Variants in CES1 observed in about 807,000 individuals in gnomAD.
The protein encoded by CES1 is liver carboxylesterase 1.
Under a neutral mutation model 53.0 loss-of-function variants are expected in CES1, and 50 were observed. That is an observed-to-expected ratio of 0.94 (90% CI 0.75 to 1.19). The LOEUF is 1.19. Ranked by LOEUF, CES1 falls within the 50% of genes most tolerant of loss-of-function variation. The pLI, the probability that CES1 is intolerant of heterozygous loss-of-function variation, is 0.00. For missense variants in CES1, 534 were observed against 538.0 expected (o/e 0.99, Z 0.07); for synonymous variants, 202 against 210.1 (o/e 0.96, Z 0.33).
At position 55,826,131 on chromosome 16, in the gene CES1, CA is replaced by C. The variant is rs768605748; in HGVS notation, c.405+19del. On this transcript the variant is annotated intron_variant, in intron 3 of 13. Transcript: ENST00000360526. ...GGTACTGGCACTGACACGCCTTGAC[CA>C]GGGGGTCCCACAACTTACCGGCAGC... is the stretch of plus-strand genomic sequence containing the variant. The C allele has an allele frequency of 7.4e-6, 12 of 1,613,936 alleles. No homozygotes were observed. Among genetic ancestry groups the C allele is most frequent in the South Asian group, 4.4e-5 (4 of 91,072 alleles).
rs200227274 is a variant in CES1, at chr16:55,821,502, G to T, written c.559C>A (p.Arg187=). The T allele has an allele frequency of 4.3e-5, 70 of 1,614,168 alleles. No homozygotes were observed. The South Asian group carries it at 6.6e-4, about 15-fold the overall frequency. Residue 187 remains arginine (R), a synonymous_variant, in exon 5 of 14, where the codon CGG becomes AGG. Transcript: ENST00000360526. ...TGGTCCAGGTGACCCCAGTTCCCCCGGCTGTGTTCATCCCCTGTGCTGTGA... is the reference window on the plus strand; with the variant it reads ...TGGTCCAGGTGACCCCAGTTCCCCCTGCTGTGTTCATCCCCTGTGCTGTGA... ...GFFSTGDEHS[R]GNWGHLDQVA... is the part of the protein sequence containing the mutation.
chr16:55,831,128 T>C (rs1363021568), intron 1 of CES1, among the ~76,000 whole-genome samples: 2 of 151,998 alleles, frequency 1.3e-5, no homozygotes, highest in Admixed American at 6.5e-5. Flanking sequence ...TATGGCTTCA[T>C]TGAAGATGCC....
At chr16:55,816,184 A>T (rs1188469061) in intron 8 of CES1, among the ~76,000 whole-genome samples, 3 of 152,272 alleles carry the variant, frequency 2.0e-5, no homozygotes, top group African/African-American at 7.2e-5. Flanking sequence ...CGGAATACAT[A>T]CTTGATTTGC....
At chr16:55,821,183 C>T (rs1265987144) in intron 5 of CES1, among the ~76,000 whole-genome samples, 185 bp downstream of exon 5, 38 of 152,196 alleles carry the variant, frequency 2.5e-4, no homozygotes, top group Admixed American at 1.6e-3. Flanking sequence ...GAGCTCTGAG[C>T]TTCCTGGGGG....
At chr16:55,815,500 T>C (rs369314460) in intron 8 of CES1, among the ~76,000 whole-genome samples, 3 of 152,304 alleles carry the variant, frequency 2.0e-5, no homozygotes, top group African/African-American at 7.2e-5. Flanking sequence ...TGACAAGTGA[T>C]TGTTCTCCAC....
chr16:55,826,269 T>C lies in CES1; in HGVS notation c.287A>G (p.Gln96Arg). ...PMCTQDPKAG[Q>R]LLSELFTNRK... ...GTTTGTAAATAGCTCTGAGAGTAAC[T>C]GCCCCGCCTTGGGATCTTGGGTGCA... The change falls in exon 3 of 14, where the codon CAG becomes CGG. Residue 96 changes from glutamine (Q) to arginine (R), a missense_variant. Transcript: ENST00000360526. 6.2e-7 allele frequency: 1 copy of C among 1,613,990 alleles called. No homozygotes were observed. Among genetic ancestry groups the C allele is most frequent in the African/African-American group, 1.3e-5 (1 of 75,034 alleles).
chr16:55,811,022 A>G lies in CES1; in HGVS notation c.1087-12T>C, dbSNP rs1426156711. ...TAGCTCATCAACTGCTAAAAAAAAA[A>G]AAAAGTTCAGCATTTATGAATCATT... On this transcript the variant is annotated splice_polypyrimidine_tract_variant and intron_variant, in intron 9 of 13. Transcript: ENST00000360526. 3.1e-6 allele frequency: 5 copies of G among 1,604,150 alleles called. No individual in the cohort carries two copies. The highest frequency in any genetic ancestry group is 1.3e-5 in the African/African-American group (1 of 74,684).
intron 10 of CES1, 59 bp downstream of exon 10, chr16:55,810,868 G>T: frequency 6.7e-7 from 1 of 1,500,422 alleles, no homozygotes; most frequent in Non-Finnish European, 9.3e-7. Flanking sequence ...TCTATGATTT[G>T]GGCAAGTCCT....
Position 55,813,042 on chromosome 16 carries a change from C to T in CES1, c.947G>A (p.Ser316Asn). ...AATCACAGTGCCCAGAAGGGGTTGA[C>T]TCTGGGGAGAGAGCAGTGCAGCACC... Reference protein sequence around the residue: ...SLDLQGDPRESQPLLGTVIDG... With the variant: ...SLDLQGDPRENQPLLGTVIDG... Residue 316 changes from serine (S) to asparagine (N), a missense_variant and splice_region_variant, in exon 9 of 14, where the codon AGT becomes AAT. Around this residue, in one of 5 missense-constraint regions of CES1, gnomAD observed 269 missense variants for 206.6 expected, o/e 1.30. Transcript: ENST00000360526. The T allele has an allele frequency of 6.2e-7, 1 of 1,613,912 alleles. No homozygotes were observed. The highest frequency in any genetic ancestry group is 1.1e-5 in the South Asian group (1 of 91,074).
chr16:55,815,240 A>G (rs529160449), intron 8 of CES1, among the ~76,000 whole-genome samples: 1 of 152,320 alleles, frequency 6.6e-6, no homozygotes, highest in East Asian at 1.9e-4. Flanking sequence ...TCTGGCACAC[A>G]GTGTGCACGC....
At position 55,817,167 on chromosome 16, in the gene CES1, A is replaced by T. The variant is rs1222807341; in HGVS notation, c.907-205T>A. ...CACTCATGTCAATCCAATAGAGTTT[A>T]CCCCAAAACTTTTGCAGGAATTGTT... is the stretch of plus-strand genomic sequence containing the variant. On this transcript the variant is annotated intron_variant, in intron 7 of 13. Transcript: ENST00000360526. 2.6e-5 allele frequency among the ~76,000 whole-genome samples: 4 copies of T among 152,172 alleles called. No individual in the cohort carries two copies. In the East Asian group the frequency reaches 7.7e-4, roughly 29 times the overall value.
intron 1 of CES1, among the ~76,000 whole-genome samples, chr16:55,831,072 G>A (rs1190797654): frequency 1.3e-5 from 2 of 152,150 alleles, no homozygotes; most frequent in African/African-American, 4.8e-5. Context: ...TGAGGGAGCA[G>A]GGCAGAATCT....
chr16:55,820,593 C>G, intron 5 of CES1, 114 bp from the exon 6 acceptor site: 1 of 1,543,538 alleles, frequency 6.5e-7, no homozygotes, highest in Non-Finnish European at 8.9e-7. Context: ...ACTGAGGAAT[C>G]CAGTAGTGGG....
chr16:55,812,816 G>C (rs1567493643), intron 9 of CES1, 87 bp downstream of exon 9: 2 of 1,572,950 alleles, frequency 1.3e-6, no homozygotes, highest in East Asian at 2.2e-5. Flanking sequence ...TCAGAGTGCA[G>C]CTCGGAGAGG....
At position 55,821,481 on chromosome 16, in the gene CES1, C is replaced by T. The variant is rs1229168368; in HGVS notation, c.580G>A (p.Asp194Asn). The T allele has an allele frequency of 1.2e-6, 2 of 1,614,186 alleles. No homozygotes were observed. Among genetic ancestry groups the T allele is most frequent in the South Asian group, 1.1e-5 (1 of 91,084 alleles). Residue 194 changes from aspartate to asparagine, a missense_variant, in exon 5 of 14, where the codon GAC becomes AAC. Asp to Asn is a conservative substitution (Grantham distance 23, BLOSUM62 1). Transcript: ENST00000360526. Reference protein sequence around the residue: ...EHSRGNWGHLDQVAALRWVQD... With the variant: ...EHSRGNWGHLNQVAALRWVQD... Reference sequence around the variant, plus strand: ...ACCCAGCGCAGGGCAGCCACCTGGTCCAGGTGACCCCAGTTCCCCCGGCTG... The same window carrying T: ...ACCCAGCGCAGGGCAGCCACCTGGTTCAGGTGACCCCAGTTCCCCCGGCTG...
At chr16:55,830,373 G>A (rs1485716825) in intron 1 of CES1, among the ~76,000 whole-genome samples, 1 of 151,894 alleles carries the variant, frequency 6.6e-6, no homozygotes, top group Non-Finnish European at 1.5e-5. Flanking sequence ...CTGTTTTCTT[G>A]GTGATTTCCA....
intron 7 of CES1, among the ~76,000 whole-genome samples, chr16:55,817,831 T>G (rs1399835702): frequency 2.0e-5 from 3 of 152,102 alleles, no homozygotes; most frequent in African/African-American, 7.2e-5. Context: ...TGGAGGTGCT[T>G]CCACAAGATC....
intron 9 of CES1, among the ~76,000 whole-genome samples, chr16:55,811,841 G>A (rs2031711967): frequency 6.6e-6 from 1 of 152,224 alleles, no homozygotes; most frequent in African/African-American, 2.4e-5. Context: ...CATTCAGGGA[G>A]CTCACTCCTG....
chr16:55,819,761 T>C, intron 6 of CES1, 122 bp from the exon 7 acceptor site: 1 of 850,306 alleles, frequency 1.2e-6, no homozygotes, highest in East Asian at 2.4e-5. Flanking sequence ...CAGAAGATAC[T>C]GTAGACCCGT....
Sources: allele counts gnomAD v4.1 joint callset (sites outside exome capture counted in the v4.1 genomes callset), GRCh38; gene constraint gnomAD v4.1.1; regional missense constraint gnomAD v4.1.1; transcripts MANE v1.5; gene names NCBI Gene and HGNC (gene_info 2026-07-23, HGNC 2026-07-21).